Variants in LOC400499 observed in about 807,000 individuals in gnomAD.
At chr16:11,419,972 A>G in the LOC400499 span, among the ~76,000 whole-genome samples, 2 of 151,048 alleles carry the variant, frequency 1.3e-5, no homozygotes, top group African/African-American at 4.9e-5. Flanking sequence ...GTGGAGAAAT[A>G]GGAACACTTT....
chr16:11,475,471 A>C, the LOC400499 span, among the ~76,000 whole-genome samples: 1 of 152,200 alleles, frequency 6.6e-6, no homozygotes, highest in African/African-American at 2.4e-5. Context: ...TAGATGTCTA[A>C]ATTGATTGAA....
At chr16:11,506,568 G>A in the LOC400499 span, among the ~76,000 whole-genome samples, 7 of 152,226 alleles carry the variant, frequency 4.6e-5, no homozygotes, top group South Asian at 8.3e-4. Flanking sequence ...GGAGAAGTTG[G>A]CCCTGCTGGC....
At chr16:11,465,733 AC>A in the LOC400499 span, among the ~76,000 whole-genome samples, 1 of 151,510 alleles carries the variant, frequency 6.6e-6, no homozygotes, top group Non-Finnish European at 1.5e-5. Flanking sequence ...CGATCACTGC[AC>A]AGAATAAGAC....
chr16:11,487,042 T>C, the LOC400499 span, among the ~76,000 whole-genome samples: 2 of 151,104 alleles, frequency 1.3e-5, no homozygotes, highest in Admixed American at 6.6e-5. Flanking sequence ...GGTCAGTGGA[T>C]AGATGGAAGG....
the LOC400499 span, chr16:11,460,098 C>T: frequency 7.7e-7 from 1 of 1,303,944 alleles, no homozygotes; most frequent in Non-Finnish European, 9.8e-7. Flanking sequence ...AGGCCCTGCC[C>T]ACCCAGTCCC....
chr16:11,468,107 A>C, the LOC400499 span, among the ~76,000 whole-genome samples: 1 of 144,882 alleles, frequency 6.9e-6, no homozygotes, highest in Non-Finnish European at 1.5e-5. Context: ...AAAACAAAAA[A>C]CAAAAAACAA....
At chr16:11,424,853 G>A in the LOC400499 span, among the ~76,000 whole-genome samples, 14 of 152,188 alleles carry the variant, frequency 9.2e-5, no homozygotes, top group Non-Finnish European at 1.6e-4. Flanking sequence ...CCAGGGAATT[G>A]GGGGTGGGAG....
the LOC400499 span, among the ~76,000 whole-genome samples, chr16:11,408,223 C>G: frequency 7.2e-5 from 11 of 151,996 alleles, no homozygotes; most frequent in Non-Finnish European, 1.5e-4. Context: ...CCTCAGGTGA[C>G]CTGCCCACCT....
At chr16:11,394,299 A>T in the LOC400499 span, among the ~76,000 whole-genome samples, 1 of 152,202 alleles carries the variant, frequency 6.6e-6, no homozygotes, top group Admixed American at 6.5e-5. Flanking sequence ...ATGGGGTGGG[A>T]AAGAGGCTCA....
At chr16:11,408,805 G>A in the LOC400499 span, among the ~76,000 whole-genome samples, 2 of 152,048 alleles carry the variant, frequency 1.3e-5, no homozygotes, top group East Asian at 1.9e-4. Flanking sequence ...AATGTTTAGG[G>A]GGAATTATAT....
At chr16:11,522,776 G>C in the LOC400499 span, among the ~76,000 whole-genome samples, 5 of 152,160 alleles carry the variant, frequency 3.3e-5, no homozygotes, top group African/African-American at 9.7e-5. Context: ...CAGGGGTTAG[G>C]GTGGGTTGTT....
the LOC400499 span, chr16:11,516,175 G>T: frequency 1.3e-5 from 5 of 399,814 alleles, no homozygotes; most frequent in South Asian, 5.1e-4. Flanking sequence ...GGGCCCCTGG[G>T]TGGCCCTGCA....
the LOC400499 span, among the ~76,000 whole-genome samples, chr16:11,402,902 G>C: frequency 6.6e-6 from 1 of 152,048 alleles, no homozygotes; most frequent in Non-Finnish European, 1.5e-5. Flanking sequence ...ACATGCACAG[G>C]TGCCCTGTGC....
At chr16:11,426,534 G>T in the LOC400499 span, among the ~76,000 whole-genome samples, 1 of 151,684 alleles carries the variant, frequency 6.6e-6, no homozygotes, top group African/African-American at 2.4e-5. Flanking sequence ...GTAAGAATGA[G>T]AACAAGGTAA....
the LOC400499 span, chr16:11,385,148 G>T: frequency 8.1e-7 from 1 of 1,230,394 alleles, no homozygotes; most frequent in African/African-American, 1.6e-5. Flanking sequence ...CAGGCGACCT[G>T]CCATGGGCAC....
At chr16:11,474,111 G>A in the LOC400499 span, among the ~76,000 whole-genome samples, 2 of 152,138 alleles carry the variant, frequency 1.3e-5, no homozygotes, top group South Asian at 2.1e-4. Context: ...CTCTCACCTC[G>A]GCCTCCCGAA....
At chr16:11,448,030 G>GCACCAATC in the LOC400499 span, 1 of 1,535,982 alleles carries the variant, frequency 6.5e-7, no homozygotes, top group Non-Finnish European at 8.7e-7. Context: ...CTGGCCCTGG[G>GCACCAATC]CACCAATCCG....
chr16:11,377,232 A>T, the LOC400499 span, among the ~76,000 whole-genome samples: 1 of 152,208 alleles, frequency 6.6e-6, no homozygotes, highest in Non-Finnish European at 1.5e-5. Flanking sequence ...TATTAGTTCT[A>T]ACAGTTGTTT....
At chr16:11,488,964 C>A in the LOC400499 span, 1 of 397,036 alleles carries the variant, frequency 2.5e-6, no homozygotes, top group African/African-American at 2.1e-5. Flanking sequence ...CCATCCCAGT[C>A]CTGCAATTCC....
Sources: gnomAD v4.1 joint callset for allele counts (sites outside exome capture counted in the v4.1 genomes callset) on GRCh38, gnomAD v4.1.1 for gene constraint, MANE v1.5 for transcripts.